MYBPC2: variants seen among roughly 807,000 people sequenced by gnomAD.
MYBPC2 encodes the protein myosin binding protein C2, also known as myosin-binding protein C, fast-type.
In MYBPC2, 122 loss-of-function variants were observed where a neutral mutation model predicts 137.0. That is an observed-to-expected ratio of 0.89 (90% CI 0.77 to 1.03). The LOEUF is 1.03. MYBPC2 is among the 50% of genes least tolerant of loss of function. The pLI, the probability that MYBPC2 is intolerant of heterozygous loss-of-function variation, is 0.00. For missense variants in MYBPC2, 1,500 were observed against 1,534.4 expected (o/e 0.98, Z 0.37); for synonymous variants, 626 against 612.3 (o/e 1.02, Z -0.33).
intron 7 of MYBPC2, among the ~76,000 whole-genome samples, chr19:50,440,043 A>G (rs911840452): frequency 3.9e-5 from 6 of 152,100 alleles, no homozygotes; most frequent in African/African-American, 1.4e-4. Context: ...AGCTTGGTTC[A>G]GGTGACTTTG....
chr19:50,455,986 A>G (rs1168533011), intron 20 of MYBPC2, among the ~76,000 whole-genome samples: 2 of 151,894 alleles, frequency 1.3e-5, no homozygotes, highest in African/African-American at 2.4e-5. Flanking sequence ...CCATCTTAAC[A>G]TCCACCCATC....
intron 8 of MYBPC2, 59 bp from the exon 9 acceptor site, chr19:50,442,122 G>T: frequency 6.5e-7 from 1 of 1,539,950 alleles, no homozygotes; most frequent in Non-Finnish European, 8.8e-7. Context: ...TGCCTCTGGG[G>T]ATGACCAGGG....
At chr19:50,453,236 G>A (rs2039877109) in intron 16 of MYBPC2, among the ~76,000 whole-genome samples, 1 of 152,216 alleles carries the variant, frequency 6.6e-6, no homozygotes, top group Non-Finnish European at 1.5e-5. Flanking sequence ...TTACGGGCAT[G>A]AGCTACCTCA....
At chr19:50,448,777 CTTTTT>C (rs71182719) in intron 13 of MYBPC2, among the ~76,000 whole-genome samples, 1 of 123,728 alleles carries the variant, frequency 8.1e-6, no homozygotes, top group Non-Finnish European at 1.7e-5. Context: ...TTTCTTTTTC[CTTTTT>C]TTTTTTTTTT....
intron 27 of MYBPC2, 74 bp downstream of exon 27, chr19:50,464,606 GC>G (rs1430599858): frequency 3.3e-5 from 47 of 1,436,322 alleles, no homozygotes; most frequent in Middle Eastern, 2.5e-4. Flanking sequence ...GTGGCCCCGG[GC>G]TGAGCACCGC....
Position 50,455,659 on chromosome 19 carries a change from C to T in MYBPC2, c.2338+15C>T. The stretch of plus-strand genomic sequence containing the variant: ...CCTGGAAGGCTGTGAGTGACCCTGG[C>T]AGGGCTGGTGGGGGTGGTGGCTAGC... On this transcript the variant is annotated intron_variant, in intron 20 of 27. Transcript: ENST00000357701. 6.2e-7 allele frequency: 1 copy of T among 1,612,556 alleles called. No individual in the cohort carries two copies. Among genetic ancestry groups the T allele is most frequent in the South Asian group, 1.1e-5 (1 of 90,980 alleles).
At position 50,450,902 on chromosome 19, in the gene MYBPC2, G is replaced by A. The variant is rs1215602425; in HGVS notation, c.1546G>A (p.Ala516Thr). 1.5e-5 allele frequency: 23 copies of A among 1,575,662 alleles called. No individual in the cohort carries two copies. The highest frequency in any genetic ancestry group is 2.7e-5 in the African/African-American group (2 of 73,946). Reference protein sequence around the residue: ...GDYTFVPDGYALSLSAKLNFL... With the variant: ...GDYTFVPDGYTLSLSAKLNFL... ...CTACACGTTTGTGCCTGACGGCTAC[G>A]CCCTGTCGCTCTCGGCCAAGCTCAA... is the stretch of plus-strand genomic sequence containing the variant. The change falls in exon 14 of 28, where the codon GCC becomes ACC. Residue 516 changes from alanine to threonine, a missense_variant. By Grantham distance (58) the Ala-to-Thr change is moderately conservative (BLOSUM62 0). Transcript: ENST00000357701.
intron 19 of MYBPC2, 71 bp downstream of exon 19, chr19:50,455,367 T>A: frequency 6.4e-7 from 1 of 1,566,536 alleles, no homozygotes; most frequent in Non-Finnish European, 8.7e-7. Flanking sequence ...CCCGTCCACC[T>A]CTGGCCCATC....
chr19:50,455,297 G>C lies in MYBPC2; in HGVS notation c.2203+1G>C. 6.2e-7 allele frequency: 1 copy of C among 1,612,322 alleles called. No individual in the cohort carries two copies. Among genetic ancestry groups the C allele is most frequent in the South Asian group, 1.1e-5 (1 of 90,988 alleles). ...AACACCAAGCCTTTTATGCCTATTG[G>C]TAATGTCCTCCCTCACTTTTATGCC... On this transcript the variant is annotated splice_donor_variant, in intron 19 of 27. Transcript: ENST00000357701. LOFTEE classifies it high-confidence loss of function.
chr19:50,459,965 G>A, intron 23 of MYBPC2, 75 bp from the exon 24 acceptor site: 6 of 1,533,964 alleles, frequency 3.9e-6, no homozygotes, highest in African/African-American at 1.4e-5. Flanking sequence ...GGGAGGGGGT[G>A]TGGAGAGGGG....
At chr19:50,460,311 G>A (rs1038542317) in intron 24 of MYBPC2, 132 bp downstream of exon 24, 7 of 1,295,718 alleles carry the variant, frequency 5.4e-6, no homozygotes, top group Non-Finnish European at 7.3e-6. Context: ...CAGGAGGGAA[G>A]CCTTTTAGCT....
Position 50,450,819 on chromosome 19 carries a change from C to G in MYBPC2, c.1473-10C>G, listed in dbSNP as rs200859594. On this transcript the variant is annotated splice_polypyrimidine_tract_variant and intron_variant, in intron 13 of 27. Transcript: ENST00000357701. ...TGGTTCGAGCCCTACCCTGCTCCCC[C>G]ACCCCTTAGGTTCCACAAGCTGGTG... 9.0e-6 allele frequency: 14 copies of G among 1,556,720 alleles called. No individual in the cohort carries two copies. Among genetic ancestry groups the G allele is most frequent in the East Asian group, 2.4e-5 (1 of 41,306 alleles).
At chr19:50,457,582 G>A (rs2039924903) in intron 20 of MYBPC2, among the ~76,000 whole-genome samples, 1 of 152,008 alleles carries the variant, frequency 6.6e-6, no homozygotes, top group South Asian at 2.1e-4. Flanking sequence ...TGAGCTGCGT[G>A]TCCAGGATGG....
At chr19:50,440,545 C>G (rs1429545444) in intron 7 of MYBPC2, among the ~76,000 whole-genome samples, 3 of 151,568 alleles carry the variant, frequency 2.0e-5, no homozygotes, top group South Asian at 2.1e-4. Context: ...AGCCTGTAGT[C>G]CCAGCTACTC....
chr19:50,451,473 A>G (rs1601290821), intron 15 of MYBPC2, among the ~76,000 whole-genome samples, 164 bp downstream of exon 15: 4 of 14,904 alleles, frequency 2.7e-4, no homozygotes, highest in South Asian at 2.0e-3. Context: ...TGAGGAAGGG[A>G]GGGAGGAGGG....
At chr19:50,439,054 C>T (rs1418272470) in intron 7 of MYBPC2, among the ~76,000 whole-genome samples, 2 of 152,022 alleles carry the variant, frequency 1.3e-5, no homozygotes. Context: ...CACCCAACTG[C>T]GCAGTCATTT....
In MYBPC2 at chr19:50,454,064, G is replaced by A. The variant is rs1279671216; in HGVS notation, c.1794G>A (p.Val598=). ...GCAGGACCCGCATCGAGAAGCGGGT[G>A]GACTGCAGCAGCTTTGTGATTGAGA... ...TEGRTRIEKR[V]DCSSFVIESA... The change falls in exon 17 of 28, where the codon GTG becomes GTA. Residue 598 remains valine, a synonymous_variant. Coordinates refer to ENST00000357701, the MANE Select transcript of MYBPC2 (RefSeq NM_004533.4). 2 of 1,609,718 alleles carry A rather than the reference G, an allele frequency of 1.2e-6. No individual in the cohort carries two copies. Among genetic ancestry groups the A allele is most frequent in the South Asian group, 1.1e-5 (1 of 90,118 alleles).
Position 50,462,032 on chromosome 19 carries a change from C to A in MYBPC2, c.3224C>A (p.Pro1075Gln), listed in dbSNP as rs545146095. The A allele has an allele frequency of 6.4e-7, 1 of 1,572,352 alleles. No homozygotes were observed. Among genetic ancestry groups the A allele is most frequent in the East Asian group, 2.3e-5 (1 of 42,648 alleles). ...AALNCAVRGH[P>Q]KPKVVWMKNK... is the part of the protein sequence containing the mutation. ...CTCAACTGTGCTGTCAGAGGCCACC[C>A]GAAGGTGCCAGGGCAGGGACCCAGA... Residue 1075 changes from proline (P) to glutamine (Q), a missense_variant, in exon 26 of 28, where the codon CCG (proline) becomes CAG (glutamine). Coordinates refer to ENST00000357701, the MANE Select transcript of MYBPC2 (RefSeq NM_004533.4).
Position 50,435,749 on chromosome 19 carries a change from C to T in MYBPC2, c.110-27C>T. ...CCCTCCCCAGCCTATCTCAGACCTC[C>T]TCATCCTAATCCTGTCCCCTGAACA... On this transcript the variant is annotated intron_variant, in intron 2 of 27. Transcript: ENST00000357701. This position sits in a 1 kb window ranked among gnomAD's most constrained non-coding sequence, Gnocchi z 4.8. 2.5e-6 allele frequency: 4 copies of T among 1,575,176 alleles called. No individual in the cohort carries two copies. Among genetic ancestry groups the T allele is most frequent in the Non-Finnish European group, 3.5e-6 (4 of 1,153,446 alleles).
Sources: allele counts gnomAD v4.1 joint callset (sites outside exome capture counted in the v4.1 genomes callset), GRCh38; gene constraint gnomAD v4.1.1; non-coding constraint Gnocchi (gnomAD v3.1); transcripts MANE v1.5; gene names NCBI Gene and HGNC (gene_info 2026-07-23, HGNC 2026-07-21).